Variants in SLC8A1 observed in about 807,000 individuals in gnomAD.
SLC8A1 encodes solute carrier family 8 member A1.
Under a neutral mutation model 68.3 loss-of-function variants are expected in SLC8A1, and 18 were observed. The ratio of observed to expected loss-of-function variants is 0.26; its 90% confidence interval spans 0.18 to 0.39. The LOEUF (loss-of-function observed/expected upper bound fraction) is 0.39. Ranked by LOEUF, SLC8A1 falls within the 10% of genes least tolerant of loss-of-function variation. The pLI, the probability that SLC8A1 is intolerant of heterozygous loss-of-function variation, is 1.00. For synonymous variants in SLC8A1, 475 were observed against 415.5 expected, an observed-to-expected ratio of 1.14 and a Z score of -1.74; for missense variants, 985 against 1,156.7, an observed-to-expected ratio of 0.85 and a Z score of 2.15.
chr2:40,249,824 C>A (rs542468732), intron 2 of SLC8A1, among the ~76,000 whole-genome samples: 61 of 152,272 alleles, frequency 4.0e-4, no homozygotes, highest in African/African-American at 1.4e-3. Context: ...CTAGATCTTA[C>A]TTAACACAGG....
chr2:40,220,992 C>A (rs560755293), intron 2 of SLC8A1, among the ~76,000 whole-genome samples: 1 of 151,516 alleles, frequency 6.6e-6, no homozygotes, highest in Non-Finnish European at 1.5e-5. Context: ...TTCCAAACAA[C>A]AGAAAAAGAG....
intron 2 of SLC8A1, among the ~76,000 whole-genome samples, chr2:40,282,659 C>T (rs1265823280): frequency 6.6e-6 from 1 of 152,104 alleles, no homozygotes; most frequent in Non-Finnish European, 1.5e-5. Flanking sequence ...AAAAACATGA[C>T]GTAGCTTTTG....
chr2:40,489,870 C>G (rs942457177), intron 1 of SLC8A1, among the ~76,000 whole-genome samples: 1 of 151,974 alleles, frequency 6.6e-6, no homozygotes, highest in South Asian at 2.1e-4. Context: ...TTTTCTAAAT[C>G]CCCCCAAGCC....
At chr2:40,489,563 G>T (rs532683101) in intron 1 of SLC8A1, among the ~76,000 whole-genome samples, 1 of 152,016 alleles carries the variant, frequency 6.6e-6, no homozygotes, top group South Asian at 2.1e-4. Context: ...CTGGTGTAAC[G>T]GGACTGTGAC....
intron 1 of SLC8A1, among the ~76,000 whole-genome samples, chr2:40,468,608 T>C (rs1222190812): frequency 2.0e-5 from 3 of 152,216 alleles, no homozygotes; most frequent in African/African-American, 7.2e-5. Flanking sequence ...TAGTAATCTA[T>C]GTTTAAATAC....
At chr2:40,360,945 A>C (rs1345677064) in intron 2 of SLC8A1, among the ~76,000 whole-genome samples, 2 of 152,162 alleles carry the variant, frequency 1.3e-5, no homozygotes, top group African/African-American at 4.8e-5. Flanking sequence ...AGTCAGAATA[A>C]AATGAGCACA....
intron 1 of SLC8A1, among the ~76,000 whole-genome samples, chr2:40,474,519 G>A (rs930139892): frequency 2.6e-5 from 4 of 152,028 alleles, no homozygotes; most frequent in African/African-American, 7.2e-5. Flanking sequence ...CAGCTTCCCC[G>A]TTTTCTTCCA....
At chr2:40,320,610 T>G (rs1484257953) in intron 2 of SLC8A1, among the ~76,000 whole-genome samples, 1 of 152,180 alleles carries the variant, frequency 6.6e-6, no homozygotes, top group Non-Finnish European at 1.5e-5. Context: ...ACTCTTAACA[T>G]TGTTTTGAAT....
chr2:40,319,762 T>C (rs1188679154), intron 2 of SLC8A1, among the ~76,000 whole-genome samples: 3 of 152,102 alleles, frequency 2.0e-5, no homozygotes, highest in Non-Finnish European at 4.4e-5. Flanking sequence ...ACAACCATTT[T>C]AGTAGCTGAA....
chr2:40,452,370 C>T (rs948606263), upstream of SLC8A1, among the ~76,000 whole-genome samples: 16 of 152,114 alleles, frequency 1.1e-4, no homozygotes, highest in Non-Finnish European at 1.8e-4. Context: ...GCCTCCCAGC[C>T]TCTGCCGGCG....
exon 8 of SLC8A1, chr2:40,099,366 G>A (rs561251251): frequency 1.3e-5 from 2 of 152,014 alleles, no homozygotes; most frequent in South Asian, 4.1e-4. Flanking sequence ...GAATAGAAAC[G>A]GAAAAATTCA....
At chr2:40,414,522 C>T (rs757394531) in intron 2 of SLC8A1, among the ~76,000 whole-genome samples, 1 of 152,148 alleles carries the variant, frequency 6.6e-6, no homozygotes, top group Non-Finnish European at 1.5e-5. Flanking sequence ...CTTGTACTTG[C>T]ATGATTTATT....
At chr2:40,226,442 A>G (rs930001367) in intron 2 of SLC8A1, among the ~76,000 whole-genome samples, 2 of 152,152 alleles carry the variant, frequency 1.3e-5, no homozygotes, top group African/African-American at 4.8e-5. Flanking sequence ...TGCAGGAATC[A>G]TGCATCTGCC....
At chr2:40,441,335 G>A (rs1700438401) in intron 1 of SLC8A1, among the ~76,000 whole-genome samples, 1 of 150,154 alleles carries the variant, frequency 6.7e-6, no homozygotes, top group Admixed American at 6.7e-5. Flanking sequence ...TATTGTGAAA[G>A]CAATTTATAG....
At chr2:40,458,052 C>A (rs574485039) in intron 1 of SLC8A1, among the ~76,000 whole-genome samples, 3 of 152,236 alleles carry the variant, frequency 2.0e-5, no homozygotes, top group Admixed American at 2.0e-4. Flanking sequence ...GTTTTGTTTT[C>A]AAGTTTTTTG....
chr2:40,360,237 C>G (rs1423578519), intron 2 of SLC8A1, among the ~76,000 whole-genome samples: 3 of 152,150 alleles, frequency 2.0e-5, no homozygotes, highest in Non-Finnish European at 4.4e-5. Context: ...ATATGCTAGG[C>G]ACTCCGTAAA....
At chr2:40,144,674 C>A (rs906214952) in intron 6 of SLC8A1, among the ~76,000 whole-genome samples, 1 of 151,816 alleles carries the variant, frequency 6.6e-6, no homozygotes, top group African/African-American at 2.4e-5. Context: ...TTGGCAGAGC[C>A]AGCCATAAGC....
intron 2 of SLC8A1, among the ~76,000 whole-genome samples, chr2:40,202,953 G>GT (rs2054675400): frequency 6.6e-6 from 1 of 151,876 alleles, no homozygotes; most frequent in African/African-American, 2.4e-5. Flanking sequence ...GCTTTAAAAA[G>GT]TGTCCCTGTG....
chr2:40,298,087 G>A (rs1559139211), intron 2 of SLC8A1, among the ~76,000 whole-genome samples: 1 of 151,884 alleles, frequency 6.6e-6, no homozygotes, highest in East Asian at 1.9e-4. Flanking sequence ...TCACCATCTT[G>A]GCCAGGCTGG....
Sources: gnomAD v4.1 joint callset for allele counts (sites outside exome capture counted in the v4.1 genomes callset) on GRCh38, gnomAD v4.1.1 for gene constraint, MANE v1.5 for transcripts, NCBI Gene and HGNC (gene_info 2026-07-23, HGNC 2026-07-21) for gene names.